ARL15: variants seen among roughly 807,000 people sequenced by gnomAD.
ARL15 encodes the protein ADP-ribosylation factor-like protein 15.
A neutral mutation model predicts 25.2 loss-of-function variants in ARL15; 19 were observed. The ratio of observed to expected loss-of-function variants is 0.75; its 90% CI spans 0.53 to 1.10. The LOEUF is 1.10. ARL15 is among the 50% of genes least tolerant of loss of function. The probability of loss-of-function intolerance (pLI) is 0.00; values close to 1 mark genes in which losing one functional copy is unlikely to be tolerated. For synonymous variants in ARL15, 94 were observed against 86.8 expected (o/e 1.08, Z -0.46); for missense variants, 220 against 246.0 (o/e 0.89, Z 0.71).
intron 4 of ARL15, among the ~76,000 whole-genome samples, chr5:53,955,648 C>T (rs924045244): frequency 6.6e-6 from 1 of 152,062 alleles, no homozygotes; most frequent in African/African-American, 2.4e-5. Context: ...TAAGCAATGC[C>T]GAATCAAGAG....
At chr5:54,293,148 T>C (rs16882603) in intron 1 of ARL15, among the ~76,000 whole-genome samples, 4,862 of 152,268 alleles carry the variant, frequency 0.032, 273 homozygotes, top group African/African-American at 0.11. Context: ...AGCTCAACAT[T>C]GCACAGTGAG....
chr5:54,300,265 T>C (rs1180226666), intron 1 of ARL15, among the ~76,000 whole-genome samples: 1 of 152,232 alleles, frequency 6.6e-6, no homozygotes, highest in African/African-American at 2.4e-5. Context: ...TTCTGCCAGT[T>C]TCTCTTGGTA....
intron 3 of ARL15, among the ~76,000 whole-genome samples, chr5:54,116,907 C>T (rs1456421402): frequency 6.6e-6 from 1 of 152,112 alleles, no homozygotes; most frequent in Non-Finnish European, 1.5e-5. Context: ...TATATTACCA[C>T]ATAAGCTAGG....
At chr5:54,217,253 C>G (rs1756234637) in intron 1 of ARL15, among the ~76,000 whole-genome samples, 1 of 150,054 alleles carries the variant, frequency 6.7e-6, no homozygotes, top group South Asian at 2.1e-4. Flanking sequence ...ACCTCCCATC[C>G]TATATGAAAT....
intron 4 of ARL15, among the ~76,000 whole-genome samples, chr5:53,895,603 A>G (rs761838655): frequency 5.3e-5 from 8 of 152,174 alleles, no homozygotes; most frequent in Admixed American, 2.0e-4. Flanking sequence ...TTGAAAAGGA[A>G]TATACAGTTT....
chr5:53,972,510 T>G (rs2112186627), intron 4 of ARL15, among the ~76,000 whole-genome samples: 1 of 152,324 alleles, frequency 6.6e-6, no homozygotes, highest in African/African-American at 2.4e-5. Flanking sequence ...AGTACAGATA[T>G]CTCCTATGCT....
intron 3 of ARL15, among the ~76,000 whole-genome samples, chr5:54,129,937 T>C (rs1337384024): frequency 6.6e-6 from 1 of 152,170 alleles, no homozygotes; most frequent in East Asian, 1.9e-4. Flanking sequence ...ATTTTCAGCA[T>C]TAAAATGTCT....
intron 4 of ARL15, among the ~76,000 whole-genome samples, chr5:54,007,540 C>T (rs1353432624): frequency 6.6e-6 from 1 of 151,988 alleles, no homozygotes; most frequent in Non-Finnish European, 1.5e-5. Context: ...GGCGCGGTGG[C>T]TCATGCCTGT....
chr5:54,280,080 C>T (rs1448801327), intron 1 of ARL15, among the ~76,000 whole-genome samples: 2 of 152,218 alleles, frequency 1.3e-5, no homozygotes, highest in Non-Finnish European at 2.9e-5. Flanking sequence ...CTTAGGGAAG[C>T]CCCATCCATC....
chr5:54,221,641 G>T (rs1345409851), intron 1 of ARL15, among the ~76,000 whole-genome samples: 9 of 151,622 alleles, frequency 5.9e-5, no homozygotes, highest in Non-Finnish European at 1.3e-4. Context: ...AGTCCAGTTG[G>T]CTCTGAGATA....
intron 4 of ARL15, among the ~76,000 whole-genome samples, chr5:54,032,270 G>A (rs1750016313): frequency 6.6e-6 from 1 of 151,684 alleles, no homozygotes; most frequent in Admixed American, 6.6e-5. Flanking sequence ...GTCTCACTCT[G>A]TCGCCCAGGC....
At chr5:54,003,837 A>G (rs1748931192) in intron 4 of ARL15, among the ~76,000 whole-genome samples, 1 of 152,204 alleles carries the variant, frequency 6.6e-6, no homozygotes, top group Admixed American at 6.5e-5. Context: ...ATTAGAAACA[A>G]AAGAAACATA....
intron 4 of ARL15, among the ~76,000 whole-genome samples, chr5:53,958,255 A>G (rs1747236045): frequency 6.6e-6 from 1 of 152,178 alleles, no homozygotes; most frequent in South Asian, 2.1e-4. Flanking sequence ...TAATGGGCAC[A>G]AAATATATAA....
rs565778411 is a variant in ARL15, at chr5:54,051,112, G to A, written c.462+62090C>T. 9.9e-5 allele frequency among the ~76,000 whole-genome samples: 15 copies of A among 152,256 alleles called. No individual in the cohort carries two copies. The South Asian group carries it at 2.5e-3, about 25-fold the overall frequency. On this transcript the variant is annotated intron_variant, in intron 4 of 4. Transcript: ENST00000504924. ...CTTAATGATTAGTAAGCTTTCCATC[G>A]TTGGGCTTATGAGAAGCCAACATTT...
At chr5:54,050,608 CG>C (rs1404697824) in intron 4 of ARL15, among the ~76,000 whole-genome samples, 1 of 152,046 alleles carries the variant, frequency 6.6e-6, no homozygotes, top group Non-Finnish European at 1.5e-5. Context: ...ATATTATGTG[CG>C]TGTGTCTAAA....
intron 4 of ARL15, among the ~76,000 whole-genome samples, chr5:53,962,484 G>A (rs1406727519): frequency 6.6e-6 from 1 of 152,016 alleles, no homozygotes; most frequent in Non-Finnish European, 1.5e-5. Flanking sequence ...ATCAATAATT[G>A]GAACCATACA....
At chr5:54,257,654 T>C (rs1026011470) in intron 1 of ARL15, among the ~76,000 whole-genome samples, 1 of 152,178 alleles carries the variant, frequency 6.6e-6, no homozygotes, top group African/African-American at 2.4e-5. Context: ...TATATTACTT[T>C]CAAAATTAAA....
chr5:53,908,579 G>A (rs1458180267), intron 4 of ARL15, among the ~76,000 whole-genome samples: 1 of 152,148 alleles, frequency 6.6e-6, no homozygotes, highest in South Asian at 2.1e-4. Context: ...TGGATACTGA[G>A]GGACAACTGT....
intron 1 of ARL15, among the ~76,000 whole-genome samples, chr5:54,265,915 C>T (rs150962611): frequency 1.3e-5 from 2 of 152,302 alleles, no homozygotes; most frequent in African/African-American, 4.8e-5. Flanking sequence ...TCCACCACAA[C>T]CCTGTGAGGT....
Sources: allele counts gnomAD v4.1 joint callset (sites outside exome capture counted in the v4.1 genomes callset), GRCh38; gene constraint gnomAD v4.1.1; transcripts MANE v1.5; gene names NCBI Gene and HGNC (gene_info 2026-07-23, HGNC 2026-07-21).